The following DEFB121 variants were observed in gnomAD, a reference collection of about 807,000 sequenced individuals.
DEFB121 encodes beta-defensin 121.
DEFB121 carries 5 observed loss-of-function variants against 2.5 expected under a neutral mutation model. That is an observed-to-expected ratio of 1.96 (90% CI 1.03 to 4.13). The LOEUF (loss-of-function observed/expected upper bound fraction) is 4.13, where lower values mean the gene tolerates loss of function less well. DEFB121 is among the 30% of genes most tolerant of loss of function. The pLI, the probability that DEFB121 is intolerant of heterozygous loss-of-function variation, is 0.00. For missense variants in DEFB121, 87 were observed against 85.0 expected, an observed-to-expected ratio of 1.02 and a Z score of -0.09; for synonymous variants, 39 against 32.6, an observed-to-expected ratio of 1.20 and a Z score of -0.67.
At chr20:31,412,631 C>T (rs373697579) in exon 1 of DEFB121, 481 of 1,290,842 alleles carry the variant, frequency 3.7e-4, no homozygotes, top group Middle Eastern at 6.4e-4. Flanking sequence ...CCTTCCTTGA[C>T]TTCTTGAAAC....
upstream of DEFB121, among the ~76,000 whole-genome samples, chr20:31,408,485 T>C (rs1978557659): frequency 6.6e-6 from 1 of 150,568 alleles, no homozygotes; most frequent in African/African-American, 2.5e-5. Flanking sequence ...TTTCTTGTTG[T>C]CTGAAGAAAA....
At chr20:31,410,837 A>C (rs1302986448), upstream of DEFB121, among the ~76,000 whole-genome samples, 1 of 151,712 alleles carries the variant, frequency 6.6e-6, no homozygotes, top group African/African-American at 2.4e-5. Flanking sequence ...AGAGAGAGAG[A>C]GAGAGAGAGA....
At chr20:31,413,127 A>G (rs535420966), upstream of DEFB121, among the ~76,000 whole-genome samples, 3 of 151,704 alleles carry the variant, frequency 2.0e-5, no homozygotes, top group South Asian at 6.3e-4. Context: ...GCCTTTAACT[A>G]CTCCACATCC....
At chr20:31,411,437 C>T (rs1329479069) in intron 1 of DEFB121, among the ~76,000 whole-genome samples, 1 of 152,120 alleles carries the variant, frequency 6.6e-6, no homozygotes, top group Non-Finnish European at 1.5e-5. Flanking sequence ...AACAACCTCC[C>T]TTACTGATAT....
chr20:31,418,277 A>G, the DEFB121 span, among the ~76,000 whole-genome samples: 42 of 148,850 alleles, frequency 2.8e-4, no homozygotes, highest in Admixed American at 1.1e-3. Flanking sequence ...AAAAAAAAAA[A>G]AAAAAGAAAA....
At chr20:31,417,487 C>A (rs1203323890), upstream of DEFB121, among the ~76,000 whole-genome samples, 1 of 152,030 alleles carries the variant, frequency 6.6e-6, no homozygotes. Context: ...GCAAATCAAT[C>A]AAGGAGTCCA....
At chr20:31,405,111 T>C in intron 1 of DEFB121, 26 bp from the exon 2 acceptor site, 1 of 1,578,770 alleles carries the variant, frequency 6.3e-7, no homozygotes, top group Non-Finnish European at 8.6e-7. Flanking sequence ...AAGAAGAGAA[T>C]AGAGTCAGTT....
upstream of DEFB121, among the ~76,000 whole-genome samples, chr20:31,413,342 A>C (rs1978713107): frequency 6.6e-6 from 1 of 152,254 alleles, no homozygotes; most frequent in Non-Finnish European, 1.5e-5. Context: ...ATCTTGATTA[A>C]GTACCTTTTA....
chr20:31,410,760 T>C (rs1026682789), upstream of DEFB121, among the ~76,000 whole-genome samples: 3 of 151,126 alleles, frequency 2.0e-5, no homozygotes, highest in African/African-American at 7.3e-5. Context: ...CTTCCTCCAC[T>C]CTTGAGAAAG....
upstream of DEFB121, among the ~76,000 whole-genome samples, chr20:31,416,219 C>A (rs971476612): frequency 6.6e-6 from 1 of 152,100 alleles, no homozygotes; most frequent in Non-Finnish European, 1.5e-5. Flanking sequence ...CGCCACCACG[C>A]CCAGTTAATT....
At chr20:31,412,612 G>A (rs1244031855) in intron 1 of DEFB121, 1 of 1,290,822 alleles carries the variant, frequency 7.7e-7, no homozygotes. Flanking sequence ...TATTTACTAT[G>A]AATCCTCACC....
chr20:31,418,259 CA>C, the DEFB121 span, among the ~76,000 whole-genome samples: 35 of 82,982 alleles, frequency 4.2e-4, 1 homozygote, highest in East Asian at 4.8e-3. Context: ...GACTCCGTCT[CA>C]AAAAAAAAAA....
intron 1 of DEFB121, 72 bp downstream of exon 1, chr20:31,406,023 C>A (rs1156576727): frequency 6.4e-7 from 1 of 1,559,916 alleles, no homozygotes; most frequent in South Asian, 1.1e-5. Context: ...CCCAACCTGT[C>A]AGAGTCCCCA....
At chr20:31,410,866 C>A (rs1344244463), upstream of DEFB121, among the ~76,000 whole-genome samples, 1 of 141,284 alleles carries the variant, frequency 7.1e-6, no homozygotes, top group Non-Finnish European at 1.5e-5. Context: ...AAGAGAGCAA[C>A]TCATGGGAGC....
rs769859074 is a variant in DEFB121 at position 31,404,992 on chromosome 20, C to G, written c.152G>C (p.Cys51Ser). 3.1e-6 allele frequency: 5 copies of G among 1,613,952 alleles called. No individual in the cohort carries two copies. The highest frequency in any genetic ancestry group is 4.2e-6 in the Non-Finnish European group (5 of 1,180,014). Reference protein sequence around the residue: ...YILCKTEAKCCVDPKYVPVKP... With the variant: ...YILCKTEAKCSVDPKYVPVKP... ...TACAGGTACATACTTGGGATCCACA[C>G]AGCACTTAGCCTCAGTTTTGCATAA... The change falls in exon 2 of 2, where the codon TGT becomes TCT. Residue 51 changes from cysteine (C) to serine (S), a missense_variant. Coordinates refer to ENST00000376314, the MANE Select transcript of DEFB121 (RefSeq NM_001011878.3).
upstream of DEFB121, among the ~76,000 whole-genome samples, chr20:31,410,175 A>G (rs1978618517): frequency 6.6e-6 from 1 of 152,256 alleles, no homozygotes; most frequent in African/African-American, 2.4e-5. Context: ...AATACTATGC[A>G]GCCATCAAAA....
chr20:31,418,473 G>A, the DEFB121 span, among the ~76,000 whole-genome samples: 6 of 152,082 alleles, frequency 3.9e-5, no homozygotes, highest in African/African-American at 1.4e-4. Context: ...GGCTGAAACA[G>A]GGAAGAGGCA....
chr20:31,416,032 A>T (rs1054370653), upstream of DEFB121, among the ~76,000 whole-genome samples: 2 of 148,592 alleles, frequency 1.3e-5, no homozygotes, highest in Non-Finnish European at 3.0e-5. Context: ...AAAGGCAGAG[A>T]TCTGCGCCCT....
chr20:31,415,747 C>T (rs1978789625), upstream of DEFB121, among the ~76,000 whole-genome samples: 1 of 152,014 alleles, frequency 6.6e-6, no homozygotes, highest in African/African-American at 2.4e-5. Context: ...TTCTCCAAGG[C>T]TTGAAGGAGA....
Sources: gnomAD v4.1 joint callset for allele counts (sites outside exome capture counted in the v4.1 genomes callset) on GRCh38, gnomAD v4.1.1 for gene constraint, MANE v1.5 for transcripts, NCBI Gene and HGNC (gene_info 2026-07-23, HGNC 2026-07-21) for gene names.